The following HPSE2 variants were observed in gnomAD, a reference collection of about 807,000 sequenced individuals.
HPSE2 encodes the protein heparanase 2 (inactive), also known as inactive heparanase-2.
HPSE2 carries 38 observed loss-of-function variants against 60.5 expected under a neutral mutation model. The observed-to-expected ratio is 0.63, with a 90% confidence interval of 0.48 to 0.82. The LOEUF is 0.82. Ranked by LOEUF, HPSE2 falls within the 40% of genes least tolerant of loss-of-function variation. The pLI, the probability that HPSE2 is intolerant of heterozygous loss-of-function variation, is 0.00. For synonymous variants in HPSE2, 295 were observed against 293.2 expected, an observed-to-expected ratio of 1.01 and a Z score of -0.06; for missense variants, 713 against 740.4, an observed-to-expected ratio of 0.96 and a Z score of 0.43.
chr10:98,457,349 G>A lies in HPSE2; in HGVS notation c.*2225C>T, dbSNP rs1166186493. On this transcript the variant is annotated 3_prime_UTR_variant, in exon 12 of 12. Coordinates refer to ENST00000370552, the MANE Select transcript of HPSE2 (RefSeq NM_021828.5). ...CCTTGTGGCTGAGTGGGCAGGCTCT[G>A]GATTATTTCGCGCTCGGCAACCCAT... 1 of 152,254 alleles carries A rather than the reference G, an allele frequency of 6.6e-6. No homozygotes were observed. Among genetic ancestry groups the A allele is most frequent in the African/African-American group, 2.4e-5 (1 of 41,462 alleles). The allele number at this position is 152,254 out of a possible 1,614,324, so 9.4% of individuals were successfully genotyped here. A position where few individuals can be genotyped will look rare whatever the true frequency, so the allele number is the denominator to read the frequency against.
chr10:99,093,188 A>G (rs1843578746), intron 3 of HPSE2, among the ~76,000 whole-genome samples: 1 of 152,104 alleles, frequency 6.6e-6, no homozygotes, highest in South Asian at 2.1e-4. Flanking sequence ...AGATCGTGCC[A>G]CTGTACCTCC....
upstream of HPSE2, among the ~76,000 whole-genome samples, chr10:99,240,232 A>G (rs1849917087): frequency 6.6e-6 from 1 of 151,944 alleles, no homozygotes; most frequent in South Asian, 2.1e-4. Context: ...AAAAATCCCT[A>G]TATTATTATC....
chr10:99,272,740 A>G, the HPSE2 span, among the ~76,000 whole-genome samples: 1 of 152,204 alleles, frequency 6.6e-6, no homozygotes, highest in African/African-American at 2.4e-5. Flanking sequence ...TACTCCTGCA[A>G]GTGTGGGCAT....
At chr10:98,759,491 A>C (rs1360193135) in intron 3 of HPSE2, among the ~76,000 whole-genome samples, 1 of 152,102 alleles carries the variant, frequency 6.6e-6, no homozygotes, top group Non-Finnish European at 1.5e-5. Flanking sequence ...ATAAGGATCC[A>C]ATTTCATTCC....
At chr10:98,865,144 G>C (rs1289331385) in intron 3 of HPSE2, among the ~76,000 whole-genome samples, 1 of 152,044 alleles carries the variant, frequency 6.6e-6, no homozygotes, top group African/African-American at 2.4e-5. Flanking sequence ...GAGGAACTAA[G>C]ACTTAAATTA....
At chr10:98,801,644 A>T (rs1260832674) in intron 3 of HPSE2, among the ~76,000 whole-genome samples, 1 of 152,132 alleles carries the variant, frequency 6.6e-6, no homozygotes, top group Non-Finnish European at 1.5e-5. Context: ...AAATAAGTGA[A>T]ATATCTCTAC....
chr10:99,310,722 G>A, the HPSE2 span, among the ~76,000 whole-genome samples: 1 of 152,184 alleles, frequency 6.6e-6, no homozygotes, highest in Middle Eastern at 3.4e-3. Context: ...TGCCTCTGGG[G>A]TTCAAGCAAT....
intron 9 of HPSE2, among the ~76,000 whole-genome samples, chr10:98,538,145 A>T (rs1943346468): frequency 6.6e-6 from 1 of 152,124 alleles, no homozygotes; most frequent in Non-Finnish European, 1.5e-5. Context: ...CATCGAGCCC[A>T]GCTGTTTGGG....
chr10:99,303,202 C>A, the HPSE2 span, among the ~76,000 whole-genome samples: 2 of 152,134 alleles, frequency 1.3e-5, no homozygotes, highest in Non-Finnish European at 2.9e-5. Context: ...AGGATATTAG[C>A]AAAGTTCTGT....
intron 11 of HPSE2, among the ~76,000 whole-genome samples, chr10:98,464,092 G>A (rs1940422970): frequency 6.6e-6 from 1 of 152,034 alleles, no homozygotes; most frequent in African/African-American, 2.4e-5. Context: ...CTCCAGCCTG[G>A]GCAACAGTGC....
In HPSE2 at chr10:98,779,103, T is replaced by G. The variant is rs1341107862; in HGVS notation, c.611-35047A>C. Among the ~76,000 whole-genome samples, 6 of 152,242 alleles carry G rather than the reference T, an allele frequency of 3.9e-5. No homozygotes were observed. In the East Asian group the frequency reaches 9.7e-4, roughly 25 times the overall value. ...CTGCAGTATGAAATTCAGCTCCTCTTTCGGTTACTAGGCAGAAGACAGGCT... is the reference window on the plus strand; with the variant it reads ...CTGCAGTATGAAATTCAGCTCCTCTGTCGGTTACTAGGCAGAAGACAGGCT... On this transcript the variant is annotated intron_variant, in intron 3 of 11. Coordinates refer to ENST00000370552, the MANE Select transcript of HPSE2 (RefSeq NM_021828.5).
In HPSE2 at chr10:98,749,544, AAAG is replaced by A. The variant is rs1413848230; in HGVS notation, c.611-5491_611-5489del. ...ACAAGAAGATAGATATACATATATA[AAAG>A]AAGATTATATAGTATATAATAGTGC... On this transcript the variant is annotated intron_variant, in intron 3 of 11. Transcript: ENST00000370552. Among the ~76,000 whole-genome samples, 4 of 151,720 alleles carry A rather than the reference AAAG, an allele frequency of 2.6e-5. No individual in the cohort carries two copies. The South Asian group carries it at 6.2e-4, about 24-fold the overall frequency.
chr10:98,480,086 C>G (rs1355095780), intron 11 of HPSE2, among the ~76,000 whole-genome samples: 1 of 138,260 alleles, frequency 7.2e-6, no homozygotes, highest in Non-Finnish European at 1.5e-5. Context: ...CCTTGTCCCT[C>G]TCCTACATTT....
chr10:99,061,103 G>A (rs5025590), intron 3 of HPSE2, among the ~76,000 whole-genome samples: 99,945 of 151,984 alleles, frequency 0.66, 37,024 homozygotes, highest in Non-Finnish European at 0.81. Context: ...TTATATGCTG[G>A]CAGGTACACA....
chr10:98,840,765 T>C (rs1951892350), intron 3 of HPSE2, among the ~76,000 whole-genome samples: 1 of 152,056 alleles, frequency 6.6e-6, no homozygotes, highest in Admixed American at 6.5e-5. Context: ...GAAAATGATA[T>C]AAAGAAATTA....
chr10:98,751,662 T>TCACATGAAC, intron 3 of HPSE2, among the ~76,000 whole-genome samples: 1 of 152,290 alleles, frequency 6.6e-6, no homozygotes, highest in South Asian at 2.1e-4. Flanking sequence ...ATGGACAGAT[T>TCACATGAAC]ATCAAGTCAC....
chr10:99,006,786 A>G (rs1395386404), intron 3 of HPSE2, among the ~76,000 whole-genome samples: 2 of 152,188 alleles, frequency 1.3e-5, no homozygotes, highest in East Asian at 3.9e-4. Context: ...TACCAGTCTC[A>G]GGCCTGGGGC....
At chr10:98,675,942 C>T (rs956019433) in intron 6 of HPSE2, among the ~76,000 whole-genome samples, 2 of 151,666 alleles carry the variant, frequency 1.3e-5, no homozygotes, top group Non-Finnish European at 2.9e-5. Context: ...ACTTTAGAGG[C>T]TGAGGGGGGA....
Position 99,066,255 on chromosome 10 carries a change from T to C in HPSE2, c.610+77983A>G, listed in dbSNP as rs1265066326. 4.6e-5 allele frequency among the ~76,000 whole-genome samples: 7 copies of C among 152,188 alleles called. No individual in the cohort carries two copies. In the East Asian group the frequency reaches 1.3e-3, roughly 29 times the overall value. ...ATAATCAGCAATAAATTTATCCATTTTCAATTAAGCAATACTTAGAGGGAC... is the reference window on the plus strand; with the variant it reads ...ATAATCAGCAATAAATTTATCCATTCTCAATTAAGCAATACTTAGAGGGAC... On this transcript the variant is annotated intron_variant, in intron 3 of 11. Transcript: ENST00000370552.
Sources: allele counts gnomAD v4.1 joint callset (sites outside exome capture counted in the v4.1 genomes callset), GRCh38; gene constraint gnomAD v4.1.1; transcripts MANE v1.5; gene names NCBI Gene and HGNC (gene_info 2026-07-23, HGNC 2026-07-21).